REDIC1: variants seen among roughly 807,000 people sequenced by gnomAD.
The protein encoded by REDIC1 is regulator of DNA class I crossover intermediates 1, also known as HEI10 Interacting Protein 1.
the REDIC1 span, among the ~76,000 whole-genome samples, chr12:39,794,381 T>C: frequency 2.0e-5 from 3 of 152,212 alleles, no homozygotes; most frequent in Non-Finnish European, 2.9e-5. Context: ...TAAATTGGTA[T>C]TGTTAAATTA....
the REDIC1 span, among the ~76,000 whole-genome samples, chr12:39,733,732 T>C: frequency 6.6e-6 from 1 of 152,188 alleles, no homozygotes; most frequent in East Asian, 1.9e-4. Flanking sequence ...TCAGTCCTAG[T>C]AATGGAGGAC....
At chr12:39,715,170 A>T in the REDIC1 span, among the ~76,000 whole-genome samples, 2 of 151,860 alleles carry the variant, frequency 1.3e-5, no homozygotes, top group South Asian at 4.1e-4. Flanking sequence ...TTCCCATGCT[A>T]TCTTCTAGAA....
At chr12:39,850,977 G>A in the REDIC1 span, among the ~76,000 whole-genome samples, 2 of 150,948 alleles carry the variant, frequency 1.3e-5, no homozygotes, top group African/African-American at 2.4e-5. Context: ...TCAGCTCACT[G>A]CAACCTCTAC....
At chr12:39,707,302 C>T in the REDIC1 span, among the ~76,000 whole-genome samples, 1 of 151,858 alleles carries the variant, frequency 6.6e-6, no homozygotes, top group African/African-American at 2.4e-5. Context: ...ATCAAAAGTA[C>T]AATTGGATAT....
the REDIC1 span, among the ~76,000 whole-genome samples, chr12:39,824,858 T>C: frequency 6.6e-6 from 1 of 151,922 alleles, no homozygotes; most frequent in South Asian, 2.1e-4. Flanking sequence ...AAAAATAAAA[T>C]AGACTTCAGG....
chr12:39,626,963 C>T, the REDIC1 span, among the ~76,000 whole-genome samples: 1 of 152,110 alleles, frequency 6.6e-6, no homozygotes, highest in African/African-American at 2.4e-5. Context: ...TGTTATATAA[C>T]CTATTCATTG....
chr12:39,684,154 T>G, the REDIC1 span: 1 of 1,017,998 alleles, frequency 9.8e-7, no homozygotes, highest in Non-Finnish European at 1.2e-6. Context: ...TTAAGGTGAT[T>G]TTTACACTCA....
the REDIC1 span, among the ~76,000 whole-genome samples, chr12:39,852,038 G>C: frequency 1.3e-5 from 2 of 152,154 alleles, no homozygotes; most frequent in African/African-American, 2.4e-5. Flanking sequence ...CAGTTGCAGG[G>C]GATTTGTGGT....
the REDIC1 span, chr12:39,764,828 T>C: frequency 1.2e-6 from 2 of 1,612,318 alleles, no homozygotes; most frequent in Non-Finnish European, 1.7e-6. Flanking sequence ...AAAATATATC[T>C]TCTGTTTTGA....
At chr12:39,885,481 T>C in the REDIC1 span, among the ~76,000 whole-genome samples, 1 of 152,170 alleles carries the variant, frequency 6.6e-6, no homozygotes, top group East Asian at 1.9e-4. Flanking sequence ...TTCTACAATG[T>C]GGATGAAGCA....
the REDIC1 span, among the ~76,000 whole-genome samples, chr12:39,649,047 C>A: frequency 1.3e-5 from 2 of 151,908 alleles, no homozygotes. Flanking sequence ...GCTTATAACT[C>A]ATCCTTGCTC....
chr12:39,889,259 T>C, the REDIC1 span, among the ~76,000 whole-genome samples: 2 of 152,096 alleles, frequency 1.3e-5, no homozygotes, highest in Non-Finnish European at 2.9e-5. Context: ...AAATTTGTTA[T>C]CAATATAACA....
At chr12:39,702,614 G>T in the REDIC1 span, among the ~76,000 whole-genome samples, 3 of 151,936 alleles carry the variant, frequency 2.0e-5, no homozygotes, top group East Asian at 1.9e-4. Context: ...TACCAAAGCC[G>T]GGCAGAGACA....
chr12:39,770,316 A>T, the REDIC1 span, among the ~76,000 whole-genome samples: 1 of 152,128 alleles, frequency 6.6e-6, no homozygotes, highest in South Asian at 2.1e-4. Context: ...TGCTATGAAC[A>T]TCTAGATCCT....
chr12:39,857,943 A>AT, the REDIC1 span, among the ~76,000 whole-genome samples: 1 of 152,204 alleles, frequency 6.6e-6, no homozygotes, highest in African/African-American at 2.4e-5. Context: ...CCCAAGAAGC[A>AT]TTTTTTGACT....
chr12:39,746,974 GA>G, the REDIC1 span, among the ~76,000 whole-genome samples: 8 of 152,148 alleles, frequency 5.3e-5, no homozygotes, highest in East Asian at 9.6e-4. Flanking sequence ...CAAAGATGGG[GA>G]AAAAACAAAG....
the REDIC1 span, chr12:39,764,824 T>A: frequency 6.2e-7 from 1 of 1,612,452 alleles, no homozygotes; most frequent in South Asian, 1.1e-5. Context: ...GCCCAAAATA[T>A]ATCTTCTGTT....
At chr12:39,684,901 C>A in the REDIC1 span, 2 of 1,612,430 alleles carry the variant, frequency 1.2e-6, no homozygotes, top group African/African-American at 2.7e-5. Flanking sequence ...GCACTCTAAG[C>A]AGTCATGGGA....
chr12:39,707,310 TATG>T, the REDIC1 span, among the ~76,000 whole-genome samples: 1 of 151,938 alleles, frequency 6.6e-6, no homozygotes, highest in East Asian at 1.9e-4. Flanking sequence ...TACAATTGGA[TATG>T]ATATCACCTC....
Sources: allele counts gnomAD v4.1 joint callset (sites outside exome capture counted in the v4.1 genomes callset), GRCh38; gene constraint gnomAD v4.1.1; transcripts MANE v1.5; gene names NCBI Gene and HGNC (gene_info 2026-07-23, HGNC 2026-07-21).